The following ANGEL1 variants were observed in gnomAD, a reference collection of about 807,000 sequenced individuals.
The protein encoded by ANGEL1 is angel homolog 1.
Under a neutral mutation model 76.4 loss-of-function variants are expected in ANGEL1, and 62 were observed. That is an observed-to-expected ratio of 0.81 (90% CI 0.66 to 1.00). The LOEUF (loss-of-function observed/expected upper bound fraction) is 1.00. Ranked by LOEUF, ANGEL1 falls within the 50% of genes least tolerant of loss-of-function variation. The pLI is 0.00. For synonymous variants in ANGEL1, 340 were observed against 331.7 expected (o/e 1.03, Z -0.27); for missense variants, 737 against 836.7 (o/e 0.88, Z 1.47).
chr14:76,788,953 A>G lies in ANGEL1; in HGVS notation c.*275T>C. 1 of 399,372 alleles carries G rather than the reference A, an allele frequency of 2.5e-6. No individual in the cohort carries two copies. Among genetic ancestry groups the G allele is most frequent in the Non-Finnish European group, 4.5e-6 (1 of 221,398 alleles). The allele number at this position is 399,372 out of a possible 1,614,324, so 24.7% of individuals were successfully genotyped here. On this transcript the variant is annotated 3_prime_UTR_variant, in exon 10 of 10. Coordinates refer to ENST00000251089, the MANE Select transcript of ANGEL1 (RefSeq NM_015305.4). ...TAAAAATCAAGGGGGAGCGCTGGAT[A>G]CATGGAAGGAAGGGGGAGCCCCCCT...
At chr14:76,796,221 T>G (rs1015989023) in intron 7 of ANGEL1, among the ~76,000 whole-genome samples, 1 of 151,870 alleles carries the variant, frequency 6.6e-6, no homozygotes, top group African/African-American at 2.4e-5. Context: ...AAAAGTTTTT[T>G]AAATGTCCAG....
chr14:76,790,744 G>A lies in ANGEL1; in HGVS notation c.1719C>T (p.His573=). 2 of 1,614,048 alleles carry A rather than the reference G, an allele frequency of 1.2e-6. No homozygotes were observed. The highest frequency in any genetic ancestry group is 2.2e-5 in the South Asian group (2 of 91,054). The change falls in exon 9 of 10, where the codon CAC becomes CAT. Residue 573 remains histidine (H), a synonymous_variant. Coordinates refer to ENST00000251089, the MANE Select transcript of ANGEL1 (RefSeq NM_015305.4). ...RTVGTIQHCL[H]LTSVYTHFLP... is the part of the protein sequence containing the mutation. ...GGAAGTGGGTATATACTGACGTCAG[G>A]TGGAGGCAGTGCTGGATGGTACCTA... is the stretch of plus-strand genomic sequence containing the variant.
intron 7 of ANGEL1, among the ~76,000 whole-genome samples, chr14:76,794,670 CAAAAA>C (rs71122578): frequency 1.0e-5 from 1 of 97,208 alleles, no homozygotes. Flanking sequence ...GACTCCATCT[CAAAAA>C]AAAAAAAAAA....
chr14:76,791,110 A>G (rs985625314), intron 8 of ANGEL1, among the ~76,000 whole-genome samples, 187 bp downstream of exon 8: 1 of 152,200 alleles, frequency 6.6e-6, no homozygotes, highest in Non-Finnish European at 1.5e-5. Flanking sequence ...ACCTGCAGTA[A>G]CATGGGTGGG....
intron 1 of ANGEL1, chr14:76,810,335 T>G (rs1895047663): frequency 2.5e-6 from 1 of 398,384 alleles, no homozygotes; most frequent in African/African-American, 2.1e-5. Context: ...ATGAGAGGAT[T>G]GCTTGAGCCC....
intron 7 of ANGEL1, among the ~76,000 whole-genome samples, chr14:76,794,103 A>G (rs1272792354): frequency 6.6e-6 from 1 of 152,176 alleles, no homozygotes; most frequent in African/African-American, 2.4e-5. Context: ...AAATCCATAC[A>G]TCTATGGTCA....
intron 4 of ANGEL1, among the ~76,000 whole-genome samples, 200 bp from the exon 5 acceptor site, chr14:76,807,049 G>A (rs964746960): frequency 4.6e-5 from 7 of 152,192 alleles, no homozygotes; most frequent in Admixed American, 3.9e-4. Context: ...GGGCAAGGAG[G>A]GAAGGGTATG....
chr14:76,786,551 T>C lies in ANGEL1; in HGVS notation c.*2677A>G, dbSNP rs1894267793. ...CCAAGTGGCTTTAAATCAATCAGAT[T>C]CTCAGAGACTGATTCAGAGGCCTGG... On this transcript the variant is annotated 3_prime_UTR_variant, in exon 10 of 10. Coordinates refer to ENST00000251089, the MANE Select transcript of ANGEL1 (RefSeq NM_015305.4). 1 of 152,196 alleles carries C rather than the reference T, an allele frequency of 6.6e-6. No individual in the cohort carries two copies. Among genetic ancestry groups the C allele is most frequent in the Admixed American group, 6.5e-5 (1 of 15,274 alleles). 9.4% of individuals were successfully genotyped at this position (152,196 alleles called of 1,614,324 possible).
At chr14:76,797,451 T>G (rs149325427) in intron 7 of ANGEL1, among the ~76,000 whole-genome samples, 1,774 of 152,188 alleles carry the variant, frequency 0.012, 38 homozygotes, top group African/African-American at 0.041. Flanking sequence ...CTACAAAAAA[T>G]TAGCTGGGTG....
chr14:76,803,367 T>C lies in ANGEL1; in HGVS notation c.1618+4A>G, dbSNP rs781641660. ...ACCAAGAAACTGGGATTAGTTCCCA[T>C]TACCTGGCTTAGTATCTGTCACTCC... On this transcript the variant is annotated splice_donor_region_variant and intron_variant, in intron 7 of 9. Transcript: ENST00000251089. 8 of 1,611,902 alleles carry C rather than the reference T, an allele frequency of 5.0e-6. No homozygotes were observed. Among genetic ancestry groups the C allele is most frequent in the Non-Finnish European group, 6.8e-6 (8 of 1,178,298 alleles).
At chr14:76,794,347 G>A (rs1894510266) in intron 7 of ANGEL1, among the ~76,000 whole-genome samples, 1 of 152,040 alleles carries the variant, frequency 6.6e-6, no homozygotes, top group Non-Finnish European at 1.5e-5. Context: ...ACAACTTCAC[G>A]CCAATATATC....
intron 7 of ANGEL1, among the ~76,000 whole-genome samples, chr14:76,798,386 C>T (rs1020313631): frequency 6.6e-6 from 1 of 152,072 alleles, no homozygotes; most frequent in African/African-American, 2.4e-5. Flanking sequence ...CTCAGCCTTC[C>T]AAAGTACTGG....
rs1319022832 is a variant in ANGEL1, at chr14:76,789,694, A to ATT, written c.1853-308_1853-307dup. Among the ~76,000 whole-genome samples, 732 of 135,722 alleles carry ATT rather than the reference A, an allele frequency of 5.4e-3. 6 individuals carry two copies. Among genetic ancestry groups the ATT allele is most frequent in the African/African-American group, 0.019 (704 of 37,092 alleles). 89.0% of individuals were successfully genotyped at this position (135,722 alleles called of 152,430 possible). A position where few individuals can be genotyped will look rare whatever the true frequency, so the allele number is the denominator to read the frequency against. ...ATCCAGCTTTTCTATATAAAATCTG[A>ATT]TTTTTTTTTTTTTTTTTTTAGATGG... On this transcript the variant is annotated intron_variant, in intron 9 of 9. Coordinates refer to ENST00000251089, the MANE Select transcript of ANGEL1 (RefSeq NM_015305.4).
intron 7 of ANGEL1, among the ~76,000 whole-genome samples, chr14:76,798,925 T>G: frequency 7.4e-6 from 1 of 135,258 alleles, no homozygotes; most frequent in African/African-American, 2.9e-5. Flanking sequence ...CTAGCCTGAG[T>G]GATAGAGTGA....
At chr14:76,802,680 G>GAA (rs112496987) in intron 7 of ANGEL1, among the ~76,000 whole-genome samples, 4 of 140,664 alleles carry the variant, frequency 2.8e-5, no homozygotes, top group East Asian at 2.0e-4. Context: ...TACTCTTGTT[G>GAA]AAAAAAAAAA....
rs1468891163 is a variant in ANGEL1, at chr14:76,812,768, G to A, written c.60C>T (p.Leu20=). The change falls in exon 1 of 10, where the codon CTC becomes CTT. Residue 20 remains leucine (L), a synonymous_variant. Transcript: ENST00000251089. Reference sequence around the variant, plus strand: ...GTCGGTACGCCTGGCCGGTACCTGAGAGGGCGCGGAAGAGGCGCGTGGCCG... The same window carrying A: ...GTCGGTACGCCTGGCCGGTACCTGAAAGGGCGCGGAAGAGGCGCGTGGCCG... ...LLPATRLFRA[L]SDAFFTCRKN... is the part of the protein sequence containing the mutation. The A allele has an allele frequency of 1.3e-6, 2 of 1,522,104 alleles. No individual in the cohort carries two copies. Among genetic ancestry groups the A allele is most frequent in the Non-Finnish European group, 1.8e-6 (2 of 1,139,798 alleles). 94.3% of individuals were successfully genotyped at this position (1,522,104 alleles called of 1,614,324 possible). A position where few individuals can be genotyped will look rare whatever the true frequency, so the allele number is the denominator to read the frequency against.
chr14:76,812,760 G>A lies in ANGEL1; in HGVS notation c.64+4C>T, dbSNP rs1384274578. ...TCCTGTCTGTCGGTACGCCTGGCCGGTACCTGAGAGGGCGCGGAAGAGGCG... is the reference window on the plus strand; with the variant it reads ...TCCTGTCTGTCGGTACGCCTGGCCGATACCTGAGAGGGCGCGGAAGAGGCG... On this transcript the variant is annotated splice_donor_region_variant and intron_variant, in intron 1 of 9. Transcript: ENST00000251089. The A allele has an allele frequency of 2.6e-6, 4 of 1,520,454 alleles. No individual in the cohort carries two copies. In the African/African-American group the frequency reaches 4.3e-5, roughly 16 times the overall value. 94.2% of individuals were successfully genotyped at this position (1,520,454 alleles called of 1,614,324 possible).
chr14:76,789,941 T>C (rs1203735301), intron 9 of ANGEL1, among the ~76,000 whole-genome samples: 8 of 151,508 alleles, frequency 5.3e-5, no homozygotes, highest in Non-Finnish European at 2.9e-5. Flanking sequence ...CTCGGCTCAC[T>C]GTAACCTCTG....
intron 9 of ANGEL1, among the ~76,000 whole-genome samples, chr14:76,790,127 G>T (rs1894359519): frequency 6.6e-6 from 1 of 152,130 alleles, no homozygotes; most frequent in East Asian, 1.9e-4. Context: ...CTCCCAGAGT[G>T]CTGGGATTAC....
Sources: allele counts gnomAD v4.1 joint callset (sites outside exome capture counted in the v4.1 genomes callset), GRCh38; gene constraint gnomAD v4.1.1; transcripts MANE v1.5; gene names NCBI Gene and HGNC (gene_info 2026-07-23, HGNC 2026-07-21).